Variants in RFTN1 observed in about 807,000 individuals in gnomAD.
RFTN1 encodes the protein raftlin.
In RFTN1, 26 loss-of-function variants were observed where a neutral mutation model predicts 46.5. The ratio of observed to expected loss-of-function variants is 0.56; its 90% CI spans 0.41 to 0.78. The LOEUF is 0.78. Among genes scored for constraint, RFTN1 ranks in the 30% least tolerant of loss-of-function variants. The pLI, the probability that RFTN1 is intolerant of heterozygous loss-of-function variation, is 0.00. For missense variants in RFTN1, 693 were observed against 718.7 expected, an observed-to-expected ratio of 0.96 and a Z score of 0.41; for synonymous variants, 261 against 284.2, an observed-to-expected ratio of 0.92 and a Z score of 0.82.
Position 16,424,730 on chromosome 3 carries a change from A to G in RFTN1, c.332+9121T>C, listed in dbSNP as rs1030780065. Among the ~76,000 whole-genome samples, 6 of 152,350 alleles carry G rather than the reference A, an allele frequency of 3.9e-5. No individual in the cohort carries two copies. The highest frequency in any genetic ancestry group is 5.9e-5 in the Non-Finnish European group (4 of 68,032). ...AAATGGTTCCATCTTTCAATCATTTAAAATATAAAATTTGGACAGATTTTA... is the reference window on the plus strand; with the variant it reads ...AAATGGTTCCATCTTTCAATCATTTGAAATATAAAATTTGGACAGATTTTA... On this transcript the variant is annotated intron_variant, in intron 3 of 9. Transcript: ENST00000334133. The surrounding 1 kb of genome is among the most constrained non-coding windows in gnomAD (Gnocchi z 4.7).
At position 16,351,924 on chromosome 3, in the gene RFTN1, T is replaced by C. The variant is rs980058526; in HGVS notation, c.1146+6008A>G. On this transcript the variant is annotated intron_variant, in intron 7 of 9. Transcript: ENST00000334133. This position sits in a 1 kb window ranked among gnomAD's most constrained non-coding sequence, Gnocchi z 5.4. ...ACATGGATTCTGCAGTCAGATTCCA[T>C]TGATATTTTAAAGAAACTGACACTG... is the stretch of plus-strand genomic sequence containing the variant. Among the ~76,000 whole-genome samples the C allele has an allele frequency of 6.6e-6, 1 of 152,110 alleles. No homozygotes were observed. Among genetic ancestry groups the C allele is most frequent in the African/African-American group, 2.4e-5 (1 of 41,396 alleles).
rs1271417018 is a variant in RFTN1 at position 16,380,404 on chromosome 3, A to G, written c.442-2302T>C. ...GAGACTGCTGTCATCTAGAGTGAAGAGGCGAGGACTCCAGACACAGGGCAT... is the reference window on the plus strand; with the variant it reads ...GAGACTGCTGTCATCTAGAGTGAAGGGGCGAGGACTCCAGACACAGGGCAT... On this transcript the variant is annotated intron_variant, in intron 4 of 9. Coordinates refer to ENST00000334133, the MANE Select transcript of RFTN1 (RefSeq NM_015150.2). The surrounding 1 kb of genome is among the most constrained non-coding windows in gnomAD (Gnocchi z 4.8). 1.3e-5 allele frequency among the ~76,000 whole-genome samples: 2 copies of G among 152,194 alleles called. No individual in the cohort carries two copies. The highest frequency in any genetic ancestry group is 4.8e-5 in the African/African-American group (2 of 41,444).
At chr3:16,432,945 C>T (rs1173551372) in intron 3 of RFTN1, among the ~76,000 whole-genome samples, 1 of 152,154 alleles carries the variant, frequency 6.6e-6, no homozygotes, top group African/African-American at 2.4e-5. Flanking sequence ...ACAGCTGTCC[C>T]TTATGAGCAC....
rs1029576662 is a variant in RFTN1, at chr3:16,336,930, C to T, written c.1147-10054G>A. Among the ~76,000 whole-genome samples, 2 of 152,186 alleles carry T rather than the reference C, an allele frequency of 1.3e-5. No homozygotes were observed. Among genetic ancestry groups the T allele is most frequent in the Non-Finnish European group, 2.9e-5 (2 of 68,036 alleles). Reference sequence around the variant, plus strand: ...GGTGTCTATTATGACTTCCCTGTGTCCAGGCCACTTTCCAACACAGCTCGG... The same window carrying T: ...GGTGTCTATTATGACTTCCCTGTGTTCAGGCCACTTTCCAACACAGCTCGG... On this transcript the variant is annotated intron_variant, in intron 7 of 9. Coordinates refer to ENST00000334133, the MANE Select transcript of RFTN1 (RefSeq NM_015150.2). The surrounding 1 kb of genome is among the most constrained non-coding windows in gnomAD (Gnocchi z 6.0).
chr3:16,503,468 G>A (rs1026618546), intron 1 of RFTN1, among the ~76,000 whole-genome samples: 1 of 152,150 alleles, frequency 6.6e-6, no homozygotes, highest in African/African-American at 2.4e-5. Flanking sequence ...GGTGGGGCCA[G>A]AGCACCATTA....
chr3:16,425,750 C>G lies in RFTN1; in HGVS notation c.332+8101G>C, dbSNP rs1186265638. Among the ~76,000 whole-genome samples the G allele has an allele frequency of 6.6e-6, 1 of 151,888 alleles. No individual in the cohort carries two copies. Among genetic ancestry groups the G allele is most frequent in the African/African-American group, 2.4e-5 (1 of 41,352 alleles). On this transcript the variant is annotated intron_variant, in intron 3 of 9. Transcript: ENST00000334133. The surrounding 1 kb of genome is among the most constrained non-coding windows in gnomAD (Gnocchi z 4.3). ...TGCAAACAAATAATTAACGGTGAAT[C>G]CTGAAACTTCAACACACCAGAAAAG...
In RFTN1 at chr3:16,341,548, A is replaced by C. The variant is rs7615111; in HGVS notation, c.1147-14672T>G. ...TGAAAGAAGCCAACTGGAAAAGGCT[A>C]CATACTGTATGGGAACTCTGTAGAT... On this transcript the variant is annotated intron_variant, in intron 7 of 9. Coordinates refer to ENST00000334133, the MANE Select transcript of RFTN1 (RefSeq NM_015150.2). The surrounding 1 kb of genome is among the most constrained non-coding windows in gnomAD (Gnocchi z 4.7). Among the ~76,000 whole-genome samples, 1 of 152,194 alleles carries C rather than the reference A, an allele frequency of 6.6e-6. No individual in the cohort carries two copies. The highest frequency in any genetic ancestry group is 1.5e-5 in the Non-Finnish European group (1 of 68,016).
intron 2 of RFTN1, among the ~76,000 whole-genome samples, chr3:16,435,853 C>G (rs1053854604): frequency 2.7e-5 from 4 of 149,834 alleles, no homozygotes; most frequent in Non-Finnish European, 4.4e-5. Flanking sequence ...TCTCATGTAC[C>G]CTATAAATAT....
intron 3 of RFTN1, among the ~76,000 whole-genome samples, chr3:16,416,372 C>T (rs945201620): frequency 6.6e-6 from 1 of 152,148 alleles, no homozygotes; most frequent in Non-Finnish European, 1.5e-5. Context: ...GCCATCACAA[C>T]ATGACAACTA....
chr3:16,371,056 A>T (rs184030465), intron 5 of RFTN1: 2 of 152,362 alleles, frequency 1.3e-5, no homozygotes, highest in East Asian at 3.8e-4. Context: ...CTGGAATTTC[A>T]ATCTAAGTCT....
chr3:16,337,372 G>A lies in RFTN1; in HGVS notation c.1147-10496C>T, dbSNP rs915888079. 4.6e-5 allele frequency: 7 copies of A among 152,210 alleles called. No homozygotes were observed. In the East Asian group the frequency reaches 1.3e-3, roughly 29 times the overall value. The allele number at this position is 152,210 out of a possible 1,614,324, so 9.4% of individuals were successfully genotyped here. A position where few individuals can be genotyped will look rare whatever the true frequency, so the allele number is the denominator to read the frequency against. ...TATTACACAGCAGAAGCTAACTGGT[G>A]TATTACTATTATTACTATTATTCTA... On this transcript the variant is annotated intron_variant, in intron 7 of 9. Transcript: ENST00000334133. This position sits in a 1 kb window ranked among gnomAD's most constrained non-coding sequence, Gnocchi z 5.0.
intron 4 of RFTN1, among the ~76,000 whole-genome samples, chr3:16,378,725 A>G (rs1197831147): frequency 6.6e-6 from 1 of 151,978 alleles, no homozygotes; most frequent in African/African-American, 2.4e-5. Context: ...AGGCTTAGGG[A>G]AGGTCAAAGG....
intron 3 of RFTN1, among the ~76,000 whole-genome samples, chr3:16,431,708 C>T (rs1007878700): frequency 6.6e-6 from 1 of 152,174 alleles, no homozygotes; most frequent in African/African-American, 2.4e-5. Context: ...ATCCATACAA[C>T]TCATTTGTCT....
chr3:16,434,510 G>A (rs1222621163), intron 2 of RFTN1, among the ~76,000 whole-genome samples: 1 of 151,974 alleles, frequency 6.6e-6, no homozygotes, highest in Non-Finnish European at 1.5e-5. Context: ...AGCCATGATA[G>A]GGCCACTGCA....
At position 16,465,452 on chromosome 3, in the gene RFTN1, ACACC is replaced by A. The variant is rs760686905; in HGVS notation, c.145+28269_145+28272del. 0.016 allele frequency among the ~76,000 whole-genome samples: 2,426 copies of A among 151,384 alleles called. 61 individuals carry two copies. The highest frequency in any genetic ancestry group is 0.056 in the African/African-American group (2,301 of 41,216). ...CACACACACACACACACACACACAC[ACACC>A]CCATGCCTGATTAAACAAAATAATT... On this transcript the variant is annotated intron_variant, in intron 2 of 9. Coordinates refer to ENST00000334133, the MANE Select transcript of RFTN1 (RefSeq NM_015150.2). This position sits in a 1 kb window ranked among gnomAD's most constrained non-coding sequence, Gnocchi z 5.1.
At position 16,492,983 on chromosome 3, in the gene RFTN1, G is replaced by T. The variant is rs553094132; in HGVS notation, c.145+742C>A. Among the ~76,000 whole-genome samples the T allele has an allele frequency of 7.2e-5, 11 of 152,196 alleles. No homozygotes were observed. In the East Asian group the frequency reaches 1.3e-3, roughly 19 times the overall value. ...TGGACACTTGTATGGTAGGTGACCC[G>T]ACTCCCTCTGGCTCAGCCAAGGCAA... On this transcript the variant is annotated intron_variant, in intron 2 of 9. Coordinates refer to ENST00000334133, the MANE Select transcript of RFTN1 (RefSeq NM_015150.2).
rs1208570415 is a variant in RFTN1, at chr3:16,446,001, G to A, written c.146-11964C>T. Among the ~76,000 whole-genome samples, 2 of 151,756 alleles carry A rather than the reference G, an allele frequency of 1.3e-5. No homozygotes were observed. Among genetic ancestry groups the A allele is most frequent in the Non-Finnish European group, 2.9e-5 (2 of 67,982 alleles). ...CATGCTGGGTTTATTTGCCAACAAG[G>A]TGGCCAAACCAAGAGTGCCTGGAGA... On this transcript the variant is annotated intron_variant, in intron 2 of 9. Transcript: ENST00000334133. This position sits in a 1 kb window ranked among gnomAD's most constrained non-coding sequence, Gnocchi z 4.5.
At chr3:16,368,442 C>T (rs980005753) in intron 6 of RFTN1, among the ~76,000 whole-genome samples, 12 of 152,166 alleles carry the variant, frequency 7.9e-5, no homozygotes, top group Non-Finnish European at 1.3e-4. Flanking sequence ...GAGGCCAAGG[C>T]GGGTGGATCA....
chr3:16,363,205 C>T (rs552314026), intron 6 of RFTN1, among the ~76,000 whole-genome samples: 9 of 152,208 alleles, frequency 5.9e-5, no homozygotes, highest in Middle Eastern at 3.4e-3. Context: ...CTTGTTTTGA[C>T]GGCCTTGTCC....
Sources: gnomAD v4.1 joint callset for allele counts (sites outside exome capture counted in the v4.1 genomes callset) on GRCh38, gnomAD v4.1.1 for gene constraint, Gnocchi (gnomAD v3.1) non-coding constraint, MANE v1.5 for transcripts, NCBI Gene and HGNC (gene_info 2026-07-23, HGNC 2026-07-21) for gene names.